The following ANK1 variants were observed in gnomAD, a reference collection of about 807,000 sequenced individuals.
The protein encoded by ANK1 is ankyrin-1.
Under a neutral mutation model 210.4 loss-of-function variants are expected in ANK1, and 51 were observed. The observed-to-expected ratio is 0.24, with a 90% CI of 0.19 to 0.31. ANK1 has a LOEUF of 0.31. ANK1 is among the 10% of genes least tolerant of loss of function. The probability of loss-of-function intolerance (pLI) is 1.00; values close to 1 mark genes in which losing one functional copy is unlikely to be tolerated. For missense variants in ANK1, 2,051 were observed against 2,504.4 expected, an observed-to-expected ratio of 0.82 and a Z score of 3.86; for synonymous variants, 967 against 1,025.9, an observed-to-expected ratio of 0.94 and a Z score of 1.10.
chr8:41,686,275 G>A lies in ANK1; in HGVS notation c.4267C>T (p.Arg1423Trp), dbSNP rs1173387917. The A allele has an allele frequency of 6.8e-6, 11 of 1,613,560 alleles. No individual in the cohort carries two copies. The highest frequency in any genetic ancestry group is 2.7e-5 in the African/African-American group (2 of 74,874). Reference sequence around the variant, plus strand: ...TCTTCCACACTGAACTGCAGCTCCCGGGCCAACTCTGCAAGCAAAGAACCA... The same window carrying A: ...TCTTCCACACTGAACTGCAGCTCCCAGGCCAACTCTGCAAGCAAAGAACCA... ...HLGLSWAELA[R>W]ELQFSVEDIN... The change falls in exon 36 of 43, where the codon CGG becomes TGG. Residue 1423 changes from arginine (R) to tryptophan (W), a missense_variant. Transcript: ENST00000289734.
chr8:41,763,858 C>A (rs35017989), intron 1 of ANK1, among the ~76,000 whole-genome samples: 14,193 of 96,870 alleles, frequency 0.15, 827 homozygotes, highest in South Asian at 0.21. Flanking sequence ...AAAGCTTTTT[C>A]TTTCTTTCTT....
In ANK1 at chr8:41,692,824, G is replaced by C. The variant is rs1361453961; in HGVS notation, c.3682C>G (p.Leu1228Val). Residue 1228 changes from leucine to valine, a missense_variant, in exon 31 of 43, where the codon CTG (leucine) becomes GTG (valine). Around this residue, in one of 6 missense-constraint regions of ANK1, gnomAD observed 1,413 missense variants for 1,707.4 expected, o/e 0.83. Transcript: ENST00000289734. ...RTAEAVNFAT[L>V]LYKELTAVPY... is the part of the protein sequence containing the mutation. ...ACTGCAGTGAGCTCTTTGTACAGCA[G>C]GGTGGCAAAGTTCACAGCCTCAGCA... is the stretch of plus-strand genomic sequence containing the variant. 2.5e-6 allele frequency: 4 copies of C among 1,614,136 alleles called. No individual in the cohort carries two copies. The Admixed American group carries it at 6.7e-5, about 27-fold the overall frequency.
intron 2 of ANK1, 26 bp from the exon 3 acceptor site, chr8:41,734,095 G>T: frequency 6.3e-7 from 1 of 1,596,238 alleles, no homozygotes; most frequent in Non-Finnish European, 8.6e-7. Context: ...AGGCGGGAAG[G>T]GCATGGTTAG....
intron 30 of ANK1, 64 bp from the exon 31 acceptor site, chr8:41,692,940 C>T (rs757411726): frequency 1.4e-4 from 217 of 1,563,562 alleles, no homozygotes; most frequent in Middle Eastern, 6.7e-4. Context: ...TCCATCCAGA[C>T]GGGAGCAGCC....
rs1803600780 is a variant in ANK1 at position 41,817,986 on chromosome 8, G to C, written c.127-59849C>G. Among the ~76,000 whole-genome samples the C allele has an allele frequency of 2.0e-5, 3 of 152,228 alleles. 1 individual carries two copies. In the South Asian group the frequency reaches 6.2e-4, roughly 32 times the overall value. On this transcript the variant is annotated intron_variant, in intron 1 of 42. Coordinates refer to the ANK1 transcript ENST00000265709. ...TGGGCTGCACCCATGTTTCTGTCCGGCCACATTCTTGGAGATTTCCAACCT... is the reference window on the plus strand; with the variant it reads ...TGGGCTGCACCCATGTTTCTGTCCGCCCACATTCTTGGAGATTTCCAACCT...
At chr8:41,856,847 T>C (rs1307975005) in intron 1 of ANK1, among the ~76,000 whole-genome samples, 2 of 150,650 alleles carry the variant, frequency 1.3e-5, no homozygotes, top group Admixed American at 6.6e-5. Context: ...ACCACAACGG[T>C]CTTTCGCCTT....
At chr8:41,871,956 G>A (rs912599884) in intron 1 of ANK1, among the ~76,000 whole-genome samples, 117 of 152,190 alleles carry the variant, frequency 7.7e-4, no homozygotes, top group Non-Finnish European at 1.3e-4. Flanking sequence ...TGGGGGAAGG[G>A]AGGGTCCGGG....
intron 17 of ANK1, 106 bp from the exon 18 acceptor site, chr8:41,706,347 C>G: frequency 9.9e-7 from 1 of 1,011,764 alleles, no homozygotes; most frequent in Non-Finnish European, 1.5e-6. Flanking sequence ...CAGTCACCAA[C>G]TAGTTATTTG....
At chr8:41,774,134 G>T (rs1843526141) in intron 1 of ANK1, among the ~76,000 whole-genome samples, 1 of 152,024 alleles carries the variant, frequency 6.6e-6, no homozygotes, top group Admixed American at 6.6e-5. Context: ...AGGGAAGTAG[G>T]AGACGAGGTC....
intron 1 of ANK1, among the ~76,000 whole-genome samples, chr8:41,774,164 C>T (rs1016421712): frequency 1.3e-5 from 2 of 152,128 alleles, no homozygotes; most frequent in South Asian, 2.1e-4. Context: ...CTCCGCTCAA[C>T]TCAGAATCCC....
chr8:41,673,238 C>A (rs1421751606), intron 37 of ANK1, among the ~76,000 whole-genome samples: 1 of 152,164 alleles, frequency 6.6e-6, no homozygotes, highest in African/African-American at 2.4e-5. Context: ...GATAAAGAAG[C>A]CTTTATCCAA....
chr8:41,712,215 G>A (rs750905817), intron 16 of ANK1, among the ~76,000 whole-genome samples: 2 of 152,084 alleles, frequency 1.3e-5, no homozygotes, highest in Non-Finnish European at 2.9e-5. Flanking sequence ...TTGAGCCACC[G>A]TGCCCGGCCC....
chr8:41,740,439 C>T (rs1369054899), intron 2 of ANK1, among the ~76,000 whole-genome samples: 17 of 146,256 alleles, frequency 1.2e-4, no homozygotes, highest in Admixed American at 4.9e-4. Context: ...GGATTACAGG[C>T]GTGAGCCACC....
At chr8:41,852,560 A>G (rs1264889493) in intron 1 of ANK1, among the ~76,000 whole-genome samples, 2 of 152,344 alleles carry the variant, frequency 1.3e-5, no homozygotes, top group Non-Finnish European at 1.5e-5. Context: ...CTCTGCACCC[A>G]AAGACCTCCG....
intron 1 of ANK1, among the ~76,000 whole-genome samples, chr8:41,848,799 C>T (rs1016658388): frequency 3.9e-5 from 6 of 152,128 alleles, no homozygotes; most frequent in Admixed American, 6.5e-5. Flanking sequence ...TATTGGTATC[C>T]GCATTTTACA....
At chr8:41,681,060 C>G (rs553010940) in intron 37 of ANK1, among the ~76,000 whole-genome samples, 1 of 152,352 alleles carries the variant, frequency 6.6e-6, no homozygotes, top group Non-Finnish European at 1.5e-5. Context: ...TTCCAGGTCA[C>G]TGCCCTGGTT....
intron 1 of ANK1, among the ~76,000 whole-genome samples, chr8:41,804,421 A>C (rs1276598747): frequency 6.6e-6 from 1 of 152,196 alleles, no homozygotes; most frequent in Non-Finnish European, 1.5e-5. Flanking sequence ...CAGCAGGGAA[A>C]TTGTCAAAGG....
intron 16 of ANK1, among the ~76,000 whole-genome samples, chr8:41,712,408 C>T (rs917853645): frequency 6.6e-6 from 1 of 152,202 alleles, no homozygotes; most frequent in African/African-American, 2.4e-5. Flanking sequence ...CCAGGTAAAC[C>T]TCTGGTTAAA....
chr8:41,793,285 A>G (rs1359728785), intron 1 of ANK1, among the ~76,000 whole-genome samples: 1 of 152,152 alleles, frequency 6.6e-6, no homozygotes, highest in Non-Finnish European at 1.5e-5. Flanking sequence ...GAGGCTGAGG[A>G]AGGAGGATCA....
Sources: gnomAD v4.1 joint callset for allele counts (sites outside exome capture counted in the v4.1 genomes callset) on GRCh38, gnomAD v4.1.1 for gene constraint, gnomAD v4.1.1 regional missense constraint, MANE v1.5 for transcripts, NCBI Gene and HGNC (gene_info 2026-07-23, HGNC 2026-07-21) for gene names.